GNRHR: variants seen among roughly 807,000 people sequenced by gnomAD.
GNRHR encodes the protein gonadotropin-releasing hormone receptor.
In GNRHR, 14 loss-of-function variants were observed where a neutral mutation model predicts 28.1. That is an observed-to-expected ratio of 0.50 (90% CI 0.33 to 0.78). The LOEUF (loss-of-function observed/expected upper bound fraction) is 0.78, where lower values mean the gene tolerates loss of function less well. Among genes scored for constraint, GNRHR ranks in the 30% least tolerant of loss-of-function variants. GNRHR has a pLI of 0.02. For missense variants in GNRHR, 366 were observed against 382.1 expected (o/e 0.96, Z 0.35); for synonymous variants, 141 against 140.5 (o/e 1.00, Z -0.02).
Position 67,742,001 on chromosome 4 carries a change from C to T in GNRHR, c.743-1277G>A, listed in dbSNP as rs184647619. On this transcript the variant is annotated intron_variant, in intron 2 of 2. Transcript: ENST00000226413. ...GAAGATTTTCTCCCACTCTGTGGGC[C>T]GTCTGTTAACTCTGCTGATTATTTC... 1.9e-3 allele frequency among the ~76,000 whole-genome samples: 283 copies of T among 152,030 alleles called. 1 individual carries two copies. Among genetic ancestry groups the T allele is most frequent in the Middle Eastern group, 0.017 (5 of 294 alleles).
At chr4:67,748,353 C>T (rs1472055648) in intron 1 of GNRHR, among the ~76,000 whole-genome samples, 1 of 151,994 alleles carries the variant, frequency 6.6e-6, no homozygotes, top group East Asian at 1.9e-4. Flanking sequence ...ATGCAAAGCA[C>T]CTGGAATAGT....
rs1731699485 is a variant in GNRHR at position 67,743,497 on chromosome 4, C to T, written c.742+1071G>A. ...ATACTTACTAGGTTTTTCTTATTCA[C>T]CATGGTATCCCCACCTAGCACAGTT... On this transcript the variant is annotated intron_variant, in intron 2 of 2. Coordinates refer to ENST00000226413, the MANE Select transcript of GNRHR (RefSeq NM_000406.3). Among the ~76,000 whole-genome samples the T allele has an allele frequency of 2.0e-5, 3 of 152,228 alleles. No homozygotes were observed. In the South Asian group the frequency reaches 6.2e-4, roughly 32 times the overall value.
At position 67,744,774 on chromosome 4, in the gene GNRHR, C is replaced by T; in HGVS notation, c.536G>A (p.Arg179Lys). ...AGAGCTGTCTGCTAGATGAATCATC[C>T]TGAAGATGTATAACTGTATGAGACA... The part of the protein sequence containing the change: ...VFAGPQLYIF[R>K]MIHLADSSGQ... The change falls in exon 2 of 3, where the codon AGG (arginine) becomes AAG (lysine). Residue 179 changes from arginine to lysine, a missense_variant. By Grantham distance (26) the Arg-to-Lys change is conservative. Coordinates refer to ENST00000226413, the MANE Select transcript of GNRHR (RefSeq NM_000406.3). The T allele has an allele frequency of 6.4e-7, 1 of 1,565,312 alleles. No individual in the cohort carries two copies. The highest frequency in any genetic ancestry group is 8.8e-7 in the Non-Finnish European group (1 of 1,135,490).
At chr4:67,740,839 A>G (rs887268575) in intron 2 of GNRHR, 115 bp from the exon 3 acceptor site, 2 of 741,320 alleles carry the variant, frequency 2.7e-6, no homozygotes, top group Non-Finnish European at 2.4e-6. Context: ...GAAAATTTCC[A>G]TTATTTTAAA....
At chr4:67,748,726 A>AAAT (rs1560518464) in intron 1 of GNRHR, among the ~76,000 whole-genome samples, 28 of 147,942 alleles carry the variant, frequency 1.9e-4, no homozygotes, top group Non-Finnish European at 1.6e-4. Flanking sequence ...TAATAATAAT[A>AAAT]AAATAAATAA....
chr4:67,744,515 C>G, intron 2 of GNRHR, 53 bp downstream of exon 2: 1 of 984,594 alleles, frequency 1.0e-6, no homozygotes, highest in Admixed American at 1.7e-5. Flanking sequence ...CTGTTTTGAG[C>G]ATTGCTATTT....
At chr4:67,746,079 AG>A (rs1442994187) in intron 1 of GNRHR, among the ~76,000 whole-genome samples, 1 of 152,102 alleles carries the variant, frequency 6.6e-6, no homozygotes, top group Non-Finnish European at 1.5e-5. Flanking sequence ...TAAATTAAAT[AG>A]TGGTATTGTA....
At position 67,737,886 on chromosome 4, in the gene GNRHR, A is replaced by G. The variant is rs1352579590; in HGVS notation, c.*2594T>C. 6.6e-6 allele frequency among the ~76,000 whole-genome samples: 1 copy of G among 151,910 alleles called. No individual in the cohort carries two copies. The highest frequency in any genetic ancestry group is 6.6e-5 in the Admixed American group (1 of 15,244). Reference sequence around the variant, plus strand: ...TTACAAGGAGTCCTCACCTTTTATTATAATAGGACATAAAATAAATGATTG... The same window carrying G: ...TTACAAGGAGTCCTCACCTTTTATTGTAATAGGACATAAAATAAATGATTG... On this transcript the variant is annotated 3_prime_UTR_variant, in exon 3 of 3. Coordinates refer to ENST00000226413, the MANE Select transcript of GNRHR (RefSeq NM_000406.3).
rs1013395719 is a variant in GNRHR at position 67,744,420 on chromosome 4, T to C, written c.742+148A>G. On this transcript the variant is annotated intron_variant, in intron 2 of 2. Transcript: ENST00000226413. ...TATGATAAAACCATAATAAAAATAT[T>C]ACCTTATGGGGTGATTGTGAATATT... 6.2e-5 allele frequency: 40 copies of C among 643,120 alleles called. No homozygotes were observed. In the Middle Eastern group the frequency reaches 2.0e-3, roughly 32 times the overall value. The allele number at this position is 643,120 out of a possible 1,614,324, so 39.8% of individuals were successfully genotyped here.
chr4:67,752,275 C>T (rs546330564), intron 1 of GNRHR, among the ~76,000 whole-genome samples: 8 of 151,658 alleles, frequency 5.3e-5, no homozygotes, highest in African/African-American at 1.9e-4. Flanking sequence ...TGCAGTGATG[C>T]ATCATGGCTC....
intron 2 of GNRHR, among the ~76,000 whole-genome samples, chr4:67,740,999 A>G (rs1731649247): frequency 6.6e-6 from 1 of 152,198 alleles, no homozygotes; most frequent in Non-Finnish European, 1.5e-5. Context: ...TAACATATAA[A>G]TTTAAAAGAG....
At chr4:67,753,223 A>G (rs1455670348) in intron 1 of GNRHR, among the ~76,000 whole-genome samples, 1 of 152,036 alleles carries the variant, frequency 6.6e-6, no homozygotes, top group Non-Finnish European at 1.5e-5. Flanking sequence ...CAAACATCCA[A>G]GATGTCTTAC....
intron 2 of GNRHR, among the ~76,000 whole-genome samples, chr4:67,743,305 T>C (rs1157389878): frequency 6.6e-6 from 1 of 152,156 alleles, no homozygotes; most frequent in Non-Finnish European, 1.5e-5. Flanking sequence ...GACACATCCA[T>C]TTAAAATTCA....
chr4:67,744,214 G>A (rs1048788967), intron 2 of GNRHR, among the ~76,000 whole-genome samples: 46 of 152,276 alleles, frequency 3.0e-4, no homozygotes, highest in African/African-American at 1.1e-3. Context: ...TTATTGGATA[G>A]CATTTAACAA....
At chr4:67,743,520 G>T (rs1019059033) in intron 2 of GNRHR, among the ~76,000 whole-genome samples, 1 of 152,050 alleles carries the variant, frequency 6.6e-6, no homozygotes, top group Non-Finnish European at 1.5e-5. Context: ...ACCTAGCACA[G>T]TTTCCAGCAA....
Position 67,740,685 on chromosome 4 carries a change from G to A in GNRHR, c.782C>T (p.Ala261Val). Residue 261 changes from alanine (A) to valine (V), a missense_variant, in exon 3 of 3, where the codon GCA (alanine) becomes GTA (valine). By Grantham distance (64) the Ala-to-Val change is moderately conservative. Transcript: ENST00000226413. ...LNQSKNNIPR[A>V]RLKTLKMTVA... ...CGTCATTTTTAGAGTCTTCAGCCGT[G>A]CTCTTGGTATATTGTTCTTGGACTG... 1 of 1,603,830 alleles carries A rather than the reference G, an allele frequency of 6.2e-7. No homozygotes were observed. The highest frequency in any genetic ancestry group is 8.5e-7 in the Non-Finnish European group (1 of 1,170,628).
intron 1 of GNRHR, among the ~76,000 whole-genome samples, chr4:67,749,498 G>A (rs1391176539): frequency 6.6e-6 from 1 of 151,914 alleles, no homozygotes; most frequent in East Asian, 1.9e-4. Flanking sequence ...AATTAGATAC[G>A]GGCACATCTA....
At chr4:67,748,007 T>C (rs1209264363) in intron 1 of GNRHR, among the ~76,000 whole-genome samples, 2 of 152,152 alleles carry the variant, frequency 1.3e-5, no homozygotes, top group African/African-American at 4.8e-5. Context: ...GAGATCCACT[T>C]TGCTTTTAGT....
At chr4:67,752,267 C>T (rs1249044878) in intron 1 of GNRHR, among the ~76,000 whole-genome samples, 2 of 151,544 alleles carry the variant, frequency 1.3e-5, no homozygotes, top group Non-Finnish European at 2.9e-5. Flanking sequence ...AGTGCAGTTG[C>T]AGTGATGCAT....
Sources: allele counts gnomAD v4.1 joint callset (sites outside exome capture counted in the v4.1 genomes callset), GRCh38; gene constraint gnomAD v4.1.1; transcripts MANE v1.5; gene names NCBI Gene and HGNC (gene_info 2026-07-23, HGNC 2026-07-21).